EMC3: variants seen among roughly 807,000 people sequenced by gnomAD.
The protein encoded by EMC3 is 30 kDa protein.
A neutral mutation model predicts 36.6 loss-of-function variants in EMC3; 13 were observed. The ratio of observed to expected loss-of-function variants is 0.35; its 90% CI spans 0.23 to 0.56. EMC3 has a LOEUF of 0.56. Among genes scored for constraint, EMC3 ranks in the 20% least tolerant of loss-of-function variants. The probability of loss-of-function intolerance (pLI) is 0.84; values close to 1 mark genes in which losing one functional copy is unlikely to be tolerated. For missense variants in EMC3, 220 were observed against 324.5 expected (o/e 0.68, Z 2.47); for synonymous variants, 120 against 111.9 (o/e 1.07, Z -0.46).
chr3:9,963,478 T>TATATATA lies in EMC3; in HGVS notation c.*590_*591insTATATAT, dbSNP rs1553602260. 140 of 34,488 alleles carry TATATATA rather than the reference T, an allele frequency of 4.1e-3. No individual in the cohort carries two copies. Among genetic ancestry groups the TATATATA allele is most frequent in the Middle Eastern group, 0.013 (1 of 78 alleles). The allele number at this position is 34,488 out of a possible 1,614,324, so 2.1% of individuals were successfully genotyped here. The stretch of plus-strand genomic sequence containing the variant: ...AGATATATATATATATATATATATA[T>TATATATA]TTTTTTTTTTTTTTCAGATGGAGTT... On this transcript the variant is annotated 3_prime_UTR_variant, in exon 8 of 8. Transcript: ENST00000245046.
chr3:9,987,344 C>T (rs2085989011), upstream of EMC3: 1 of 983,478 alleles, frequency 1.0e-6, no homozygotes, highest in South Asian at 4.7e-5. Flanking sequence ...GGGCCGCGGT[C>T]GGCGTTCTTC....
chr3:9,977,089 T>A, intron 2 of EMC3, 39 bp from the exon 3 acceptor site: 1 of 1,452,362 alleles, frequency 6.9e-7, no homozygotes, highest in South Asian at 1.2e-5. Context: ...GTCTAAGAAC[T>A]ATGACACAGC....
intron 1 of EMC3, among the ~76,000 whole-genome samples, chr3:9,984,273 G>T (rs1185347268): frequency 2.0e-5 from 3 of 151,440 alleles, no homozygotes; most frequent in Non-Finnish European, 4.4e-5. Context: ...GTAGAGATGG[G>T]GTTTCACCAT....
Position 9,969,814 on chromosome 3 carries a change from A to G in EMC3, c.575-13T>C. 1 of 1,612,460 alleles carries G rather than the reference A, an allele frequency of 6.2e-7. No homozygotes were observed. The highest frequency in any genetic ancestry group is 8.5e-7 in the Non-Finnish European group (1 of 1,179,806). On this transcript the variant is annotated splice_polypyrimidine_tract_variant and intron_variant, in intron 6 of 7. Transcript: ENST00000245046. ...GATTGGTCAGCGGCTGTAGCATAAG[A>G]CACACTTACATGAGTGCCAGGACTC...
upstream of EMC3, among the ~76,000 whole-genome samples, chr3:9,987,498 G>T (rs2085991645): frequency 6.6e-6 from 1 of 152,120 alleles, no homozygotes; most frequent in South Asian, 2.1e-4. Context: ...AGTCCAGGCA[G>T]TCGGCCTCAT....
At chr3:9,974,213 T>G (rs1468975713) in intron 4 of EMC3, among the ~76,000 whole-genome samples, 171 bp downstream of exon 4, 1 of 152,172 alleles carries the variant, frequency 6.6e-6, no homozygotes, top group African/African-American at 2.4e-5. Context: ...ATCCACGTCA[T>G]GAACTTAGGA....
intron 7 of EMC3, among the ~76,000 whole-genome samples, chr3:9,965,499 ATGAG>A (rs1169979760): frequency 2.0e-5 from 3 of 152,320 alleles, no homozygotes; most frequent in Non-Finnish European, 4.4e-5. Flanking sequence ...ATGTTAGCTC[ATGAG>A]TGAGTTTTTC....
chr3:9,975,748 C>A (rs1452786396), intron 3 of EMC3, among the ~76,000 whole-genome samples: 1 of 149,342 alleles, frequency 6.7e-6, no homozygotes, highest in Non-Finnish European at 1.5e-5. Flanking sequence ...GGAGGCGGAG[C>A]CTGCAGTGAG....
intron 2 of EMC3, 103 bp from the exon 3 acceptor site, chr3:9,977,153 G>A: frequency 1.0e-6 from 1 of 954,832 alleles, no homozygotes; most frequent in Non-Finnish European, 1.6e-6. Flanking sequence ...AGGATATGCT[G>A]TTCCGCTCAG....
At chr3:10,000,287 G>A (rs745975480) in intron 1 of EMC3, among the ~76,000 whole-genome samples, 3 of 151,956 alleles carry the variant, frequency 2.0e-5, no homozygotes, top group African/African-American at 4.8e-5. Flanking sequence ...TGAACCACCC[G>A]CCTCGGCCTC....
At chr3:9,979,953 G>A (rs561331274) in intron 1 of EMC3, among the ~76,000 whole-genome samples, 11 of 151,684 alleles carry the variant, frequency 7.3e-5, no homozygotes, top group African/African-American at 2.4e-4. Context: ...AAAATGTGAT[G>A]AAAACAAGAC....
Position 9,962,797 on chromosome 3 carries a change from G to A in EMC3, c.*1272C>T, listed in dbSNP as rs1454716337. 1 of 152,314 alleles carries A rather than the reference G, an allele frequency of 6.6e-6. No homozygotes were observed. The highest frequency in any genetic ancestry group is 1.5e-5 in the Non-Finnish European group (1 of 68,044). 9.4% of individuals were successfully genotyped at this position (152,314 alleles called of 1,614,324 possible). A position where few individuals can be genotyped will look rare whatever the true frequency, so the allele number is the denominator to read the frequency against. ...ACAGAAATGGCACCGTCACTTCCCT[G>A]GGACCTTTAATCCAGACAGAATTAT... On this transcript the variant is annotated 3_prime_UTR_variant, in exon 8 of 8. Coordinates refer to ENST00000245046, the MANE Select transcript of EMC3 (RefSeq NM_001394674.1).
intron 1 of EMC3, 111 bp downstream of exon 1, chr3:9,986,396 A>G (rs2085972421): frequency 1.6e-6 from 2 of 1,271,592 alleles, no homozygotes; most frequent in Non-Finnish European, 2.2e-6. Flanking sequence ...GGGTAAGGTC[A>G]CCCTGTCAGA....
intron 1 of EMC3, chr3:10,007,563 C>T: frequency 7.3e-7 from 1 of 1,367,492 alleles, no homozygotes; most frequent in Non-Finnish European, 9.8e-7. Flanking sequence ...AGGAGTGCTT[C>T]TGGGTGAGGC....
intron 1 of EMC3, chr3:10,004,828 A>T (rs1396152516): frequency 1.3e-5 from 2 of 152,282 alleles, no homozygotes; most frequent in Non-Finnish European, 2.9e-5. Context: ...CGGCCCTCAG[A>T]CCCAGAGGGT....
intron 1 of EMC3, chr3:10,004,043 A>G (rs1433160552): frequency 6.6e-6 from 1 of 152,172 alleles, no homozygotes; most frequent in Middle Eastern, 3.2e-3. Context: ...GGCCAGGGCT[A>G]CCAATGTGCC....
At chr3:9,973,103 T>C (rs964239322) in intron 5 of EMC3, among the ~76,000 whole-genome samples, 3 of 151,362 alleles carry the variant, frequency 2.0e-5, no homozygotes, top group Admixed American at 6.6e-5. Context: ...GGATTACAGG[T>C]GTGAGCCACC....
At chr3:10,010,305 C>T (rs2086310394) in intron 1 of EMC3, 1 of 152,402 alleles carries the variant, frequency 6.6e-6, no homozygotes, top group Non-Finnish European at 1.5e-5. Context: ...TGGTGGCGGG[C>T]TCCTGTAGTC....
intron 7 of EMC3, among the ~76,000 whole-genome samples, chr3:9,966,080 G>A (rs2085733674): frequency 6.6e-6 from 1 of 152,134 alleles, no homozygotes; most frequent in Non-Finnish European, 1.5e-5. Flanking sequence ...ACTGTTTGAG[G>A]AAAGGCAGAA....
Sources: gnomAD v4.1 joint callset for allele counts (sites outside exome capture counted in the v4.1 genomes callset) on GRCh38, gnomAD v4.1.1 for gene constraint, MANE v1.5 for transcripts, NCBI Gene and HGNC (gene_info 2026-07-23, HGNC 2026-07-21) for gene names.